SNX29: variants seen among roughly 807,000 people sequenced by gnomAD.
SNX29 encodes the protein sorting nexin-29.
In SNX29, 78 loss-of-function variants were observed where a neutral mutation model predicts 102.1. The observed-to-expected ratio is 0.76, with a 90% CI of 0.64 to 0.92. SNX29 has a LOEUF of 0.92. Among genes scored for constraint, SNX29 ranks in the 40% least tolerant of loss-of-function variants. The probability of loss-of-function intolerance (pLI) is 0.00; values close to 1 mark genes in which losing one functional copy is unlikely to be tolerated. For synonymous variants in SNX29, 580 were observed against 414.5 expected (o/e 1.40, Z -4.85); for missense variants, 1,280 against 1,061.7 (o/e 1.21, Z -2.86).
At chr16:12,559,395 C>A (rs1029057825) in intron 20 of SNX29, among the ~76,000 whole-genome samples, 1 of 151,264 alleles carries the variant, frequency 6.6e-6, no homozygotes, top group African/African-American at 2.4e-5. Context: ...CTCCCATCGC[C>A]CCCTGAAGGG....
chr16:12,528,288 C>A (rs867836493), intron 20 of SNX29, among the ~76,000 whole-genome samples: 1 of 152,148 alleles, frequency 6.6e-6, no homozygotes, highest in Admixed American at 6.5e-5. Context: ...CAACCTCTAC[C>A]TCCGGTTCAA....
At chr16:12,176,640 A>G (rs1035014690) in intron 13 of SNX29, among the ~76,000 whole-genome samples, 2 of 152,188 alleles carry the variant, frequency 1.3e-5, no homozygotes, top group South Asian at 2.1e-4. Flanking sequence ...TGTTTAGGCT[A>G]TTTACAAATA....
chr16:11,981,244 A>G (rs906313223), intron 1 of SNX29, among the ~76,000 whole-genome samples: 1 of 152,094 alleles, frequency 6.6e-6, no homozygotes, highest in Non-Finnish European at 1.5e-5. Context: ...TGCTGGGATT[A>G]CAGGCATGAG....
intron 11 of SNX29, among the ~76,000 whole-genome samples, chr16:12,120,773 GGTTTTGTA>G (rs1439042099): frequency 6.6e-6 from 1 of 152,180 alleles, no homozygotes; most frequent in Non-Finnish European, 1.5e-5. Context: ...GGAGGGGAAC[GGTTTTGTA>G]GGCTCGTCCT....
intron 20 of SNX29, among the ~76,000 whole-genome samples, chr16:12,552,343 G>A (rs541496098): frequency 2.6e-5 from 4 of 152,296 alleles, no homozygotes; most frequent in South Asian, 2.1e-4. Context: ...TGGCTTCTGT[G>A]AGGGTTTAAT....
At chr16:12,274,358 C>G (rs1449903245) in intron 14 of SNX29, among the ~76,000 whole-genome samples, 2 of 152,208 alleles carry the variant, frequency 1.3e-5, no homozygotes, top group East Asian at 1.9e-4. Context: ...CCTGTGTTCT[C>G]AAGTCTGTGA....
Position 12,572,729 on chromosome 16 carries a change from G to C in SNX29, c.*4100G>C. On this transcript the variant is annotated 3_prime_UTR_variant, in exon 21 of 21. Transcript: ENST00000566228. ...TTCCAGCCTTGGCACAGAACTGATG[G>C]CAAAGGAAGGGCTGGGTTTTCAGCT... 9.4e-7 allele frequency: 1 copy of C among 1,063,980 alleles called. No individual in the cohort carries two copies. Among genetic ancestry groups the C allele is most frequent in the Non-Finnish European group, 1.1e-6 (1 of 878,452 alleles). 65.9% of individuals were successfully genotyped at this position (1,063,980 alleles called of 1,614,324 possible).
At chr16:12,250,268 G>A (rs772792783) in intron 14 of SNX29, among the ~76,000 whole-genome samples, 6 of 152,202 alleles carry the variant, frequency 3.9e-5, no homozygotes, top group Non-Finnish European at 8.8e-5. Flanking sequence ...CAGAGCCCCT[G>A]CCCAGCTCTC....
rs534838879 is a variant in SNX29 at position 12,487,729 on chromosome 16, C to T, written c.2178+9870C>T. 1.2e-3 allele frequency among the ~76,000 whole-genome samples: 187 copies of T among 152,290 alleles called. 4 individuals are homozygous for T. Among genetic ancestry groups the T allele is most frequent in the Admixed American group, 0.012 (187 of 15,294 alleles). ...TCGCAGCAGAGATGCAGGGAGTTCA[C>T]ACACCATCCCCCGCAACTGCTAGGG... On this transcript the variant is annotated intron_variant, in intron 19 of 20. Transcript: ENST00000566228.
At chr16:12,084,539 G>T (rs1351201561) in intron 11 of SNX29, among the ~76,000 whole-genome samples, 1 of 152,196 alleles carries the variant, frequency 6.6e-6, no homozygotes, top group Non-Finnish European at 1.5e-5. Context: ...ACACGGAGCT[G>T]TACCTGGGGT....
chr16:12,567,750 G>C (rs184700387), intron 20 of SNX29, among the ~76,000 whole-genome samples: 1 of 152,118 alleles, frequency 6.6e-6, no homozygotes, highest in South Asian at 2.1e-4. Flanking sequence ...GGCAAGAGTC[G>C]AGACTGTCTC....
chr16:12,350,065 C>T (rs2081951330), intron 15 of SNX29, among the ~76,000 whole-genome samples: 1 of 152,214 alleles, frequency 6.6e-6, no homozygotes, highest in Non-Finnish European at 1.5e-5. Context: ...ACAGGTGGCA[C>T]ACCCACACCA....
At chr16:12,249,987 T>A (rs1013736083) in intron 14 of SNX29, among the ~76,000 whole-genome samples, 3 of 152,086 alleles carry the variant, frequency 2.0e-5, no homozygotes, top group Non-Finnish European at 4.4e-5. Context: ...GATCGACAGG[T>A]CAAGGAGCAA....
chr16:12,562,822 T>C lies in SNX29; in HGVS notation c.2319-5684T>C, dbSNP rs192755031. 2.0e-5 allele frequency among the ~76,000 whole-genome samples: 3 copies of C among 152,272 alleles called. No individual in the cohort carries two copies. The East Asian group carries it at 5.8e-4, about 29-fold the overall frequency. On this transcript the variant is annotated intron_variant, in intron 20 of 20. Coordinates refer to ENST00000566228, the MANE Select transcript of SNX29 (RefSeq NM_032167.5). ...GTGGAACAACTCCTTTCCCCCCAAATTTCCTAGCATTCCCCTATAGGCAAC... is the reference window on the plus strand; with the variant it reads ...GTGGAACAACTCCTTTCCCCCCAAACTTCCTAGCATTCCCCTATAGGCAAC...
chr16:12,139,979 TCAAAAAAAA>T (rs1266624436), intron 13 of SNX29, among the ~76,000 whole-genome samples: 2 of 63,070 alleles, frequency 3.2e-5, no homozygotes, highest in East Asian at 9.2e-4. Flanking sequence ...ATACCCTGTC[TCAAAAAAAA>T]AAAAAAAAAA....
At chr16:12,370,658 T>C (rs1301485185) in intron 16 of SNX29, among the ~76,000 whole-genome samples, 5 of 152,216 alleles carry the variant, frequency 3.3e-5, no homozygotes. Context: ...CAAGGGCATC[T>C]TCCGGCGTGT....
intron 18 of SNX29, among the ~76,000 whole-genome samples, chr16:12,422,557 C>T (rs141771314): frequency 2.0e-5 from 3 of 152,344 alleles, no homozygotes; most frequent in African/African-American, 4.8e-5. Context: ...CTTCCCTCCT[C>T]GTCTTCCCTG....
chr16:12,446,113 C>T (rs1409616509), intron 18 of SNX29, among the ~76,000 whole-genome samples: 3 of 144,802 alleles, frequency 2.1e-5, no homozygotes, highest in East Asian at 4.0e-4. Context: ...TGGAGTGCAG[C>T]GGTGCAATCT....
chr16:12,565,072 G>A (rs533200139), intron 20 of SNX29, among the ~76,000 whole-genome samples: 2 of 152,288 alleles, frequency 1.3e-5, no homozygotes, highest in African/African-American at 2.4e-5. Flanking sequence ...AAGGGGCCCA[G>A]TGGGGACACA....
Sources: allele counts gnomAD v4.1 joint callset (sites outside exome capture counted in the v4.1 genomes callset), GRCh38; gene constraint gnomAD v4.1.1; transcripts MANE v1.5; gene names NCBI Gene and HGNC (gene_info 2026-07-23, HGNC 2026-07-21).